The following MACROD2 variants were observed in gnomAD, a reference collection of about 807,000 sequenced individuals.
MACROD2 encodes the protein mono-ADP ribosylhydrolase 2.
Under a neutral mutation model 70.4 loss-of-function variants are expected in MACROD2, and 36 were observed. That is an observed-to-expected ratio of 0.51 (90% CI 0.39 to 0.68). The LOEUF (loss-of-function observed/expected upper bound fraction) is 0.68. Ranked by LOEUF, MACROD2 falls within the 30% of genes least tolerant of loss-of-function variation. MACROD2 has a pLI of 0.00. For missense variants in MACROD2, 496 were observed against 538.4 expected (o/e 0.92, Z 0.78); for synonymous variants, 172 against 178.8 (o/e 0.96, Z 0.30).
intron 3 of MACROD2, among the ~76,000 whole-genome samples, chr20:14,262,290 G>A (rs1445939950): frequency 1.3e-5 from 2 of 152,176 alleles, no homozygotes; most frequent in African/African-American, 4.8e-5. Context: ...TGTGGTAAAT[G>A]ACCTAATTGG....
At chr20:16,022,416 A>C (rs1169168621) in intron 15 of MACROD2, among the ~76,000 whole-genome samples, 1 of 152,216 alleles carries the variant, frequency 6.6e-6, no homozygotes, top group African/African-American at 2.4e-5. Flanking sequence ...TTGTGAATAC[A>C]TTAAACATGC....
At chr20:14,719,945 G>A (rs977370590) in intron 5 of MACROD2, among the ~76,000 whole-genome samples, 1 of 152,074 alleles carries the variant, frequency 6.6e-6, no homozygotes, top group African/African-American at 2.4e-5. Context: ...GGGATAGAAG[G>A]GTATTTGGGC....
rs148757880 is a variant in MACROD2 at position 15,854,285 on chromosome 20, A to T, written c.646-8460A>T. On this transcript the variant is annotated intron_variant, in intron 8 of 17. Coordinates refer to ENST00000684519, the MANE Select transcript of MACROD2 (RefSeq NM_001351661.2). ...TAGAGGCACACTCTTGCTGGCGTGG[A>T]AGAAAAAGAGCGCTCGTGTCCTGAA... Among the ~76,000 whole-genome samples, 61 of 152,260 alleles carry T rather than the reference A, an allele frequency of 4.0e-4. 1 individual carries two copies. In the East Asian group the frequency reaches 0.011, roughly 27 times the overall value.
At chr20:15,726,877 G>T (rs570192216) in intron 8 of MACROD2, among the ~76,000 whole-genome samples, 13 of 151,986 alleles carry the variant, frequency 8.6e-5, no homozygotes, top group Non-Finnish European at 1.5e-4. Flanking sequence ...GTTTCTGTAG[G>T]TTGTCTGCTT....
chr20:15,575,953 A>G (rs1035055371), intron 8 of MACROD2, among the ~76,000 whole-genome samples: 1 of 152,190 alleles, frequency 6.6e-6, no homozygotes, highest in Admixed American at 6.5e-5. Flanking sequence ...CATTTGCTCT[A>G]TCTTTACTTT....
In MACROD2 at chr20:15,885,786, G is replaced by T; in HGVS notation, c.750G>T (p.Glu250Asp). The T allele has an allele frequency of 1.3e-6, 2 of 1,493,580 alleles. No homozygotes were observed. Among genetic ancestry groups the T allele is most frequent in the Middle Eastern group, 1.8e-4 (1 of 5,632 alleles). 92.5% of individuals were successfully genotyped at this position (1,493,580 alleles called of 1,614,324 possible). Residue 250 changes from glutamate to aspartate, a missense_variant, in exon 10 of 18, where the codon GAG becomes GAT. By Grantham distance (45) the Glu-to-Asp change is conservative. Coordinates refer to ENST00000684519, the MANE Select transcript of MACROD2 (RefSeq NM_001351661.2). Reference protein sequence around the residue: ...FSVDDNNEEEEDVEMKEDSDE... With the variant: ...FSVDDNNEEEDDVEMKEDSDE... ...CAGACGATAATAATGAAGAAGAAGA[G>T]GATGTTGAAATGAAAGAAGATTCAG...
chr20:14,540,826 T>C (rs1290433799), intron 4 of MACROD2, among the ~76,000 whole-genome samples: 4 of 152,276 alleles, frequency 2.6e-5, no homozygotes, highest in African/African-American at 9.6e-5. Context: ...GTGCTCTACA[T>C]TAGGAGAGGC....
chr20:14,268,728 T>G (rs955018881), intron 3 of MACROD2, among the ~76,000 whole-genome samples: 10 of 152,234 alleles, frequency 6.6e-5, no homozygotes, highest in African/African-American at 2.4e-4. Context: ...CATCAAAATA[T>G]TAACTATTCA....
chr20:14,145,689 AAT>A (rs2054934564), intron 3 of MACROD2, among the ~76,000 whole-genome samples: 1 of 152,170 alleles, frequency 6.6e-6, no homozygotes, highest in Non-Finnish European at 1.5e-5. Context: ...ATATTTACAA[AAT>A]AGTTAACTAA....
intron 5 of MACROD2, among the ~76,000 whole-genome samples, chr20:15,129,829 TC>T (rs138344387): frequency 0.023 from 3,574 of 152,224 alleles, 140 homozygotes; most frequent in African/African-American, 0.082. Flanking sequence ...TGCCTCTGCC[TC>T]CTGGTTGCTT....
intron 8 of MACROD2, among the ~76,000 whole-genome samples, chr20:15,583,749 T>C (rs2048559050): frequency 6.6e-6 from 1 of 152,192 alleles, no homozygotes; most frequent in Non-Finnish European, 1.5e-5. Flanking sequence ...GTTCAAGTGA[T>C]TTTCCTGCCT....
At chr20:15,196,757 T>G in intron 5 of MACROD2, 1 of 409,068 alleles carries the variant, frequency 2.4e-6, no homozygotes, top group South Asian at 1.0e-4. Context: ...GTACAATATG[T>G]ACTTGAAATC....
At chr20:15,379,560 C>T (rs531079553) in intron 6 of MACROD2, among the ~76,000 whole-genome samples, 18 of 152,076 alleles carry the variant, frequency 1.2e-4, no homozygotes, top group Non-Finnish European at 1.8e-4. Flanking sequence ...GGATGGCTCA[C>T]GTTTCAAACC....
chr20:14,819,163 A>G (rs138655376), intron 5 of MACROD2, among the ~76,000 whole-genome samples: 102 of 151,786 alleles, frequency 6.7e-4, no homozygotes, highest in African/African-American at 2.1e-3. Flanking sequence ...CTACTTGGGA[A>G]GCTGAAGCAG....
chr20:14,433,251 C>T (rs992736066), intron 3 of MACROD2, among the ~76,000 whole-genome samples: 1 of 152,008 alleles, frequency 6.6e-6, no homozygotes, highest in East Asian at 1.9e-4. Flanking sequence ...GTGAAAGAGA[C>T]GTAAAACACA....
intron 3 of MACROD2, among the ~76,000 whole-genome samples, chr20:14,403,444 C>T (rs1375287189): frequency 6.6e-6 from 1 of 151,728 alleles, no homozygotes; most frequent in African/African-American, 2.4e-5. Context: ...TTTAAAAAGC[C>T]CAAAGTATAT....
chr20:15,271,012 C>A (rs1295869821), intron 6 of MACROD2, among the ~76,000 whole-genome samples: 1 of 152,164 alleles, frequency 6.6e-6, no homozygotes, highest in African/African-American at 2.4e-5. Context: ...ATTGTTTCTT[C>A]TTTTCAGTAA....
chr20:14,677,634 G>C (rs58514606), intron 4 of MACROD2, among the ~76,000 whole-genome samples: 3,919 of 152,250 alleles, frequency 0.026, 128 homozygotes, highest in African/African-American at 0.067. Context: ...CCTCAGTCCT[G>C]ACGAAGAGCA....
At chr20:14,105,966 A>G (rs1848176504) in intron 3 of MACROD2, among the ~76,000 whole-genome samples, 1 of 152,200 alleles carries the variant, frequency 6.6e-6, no homozygotes, top group East Asian at 1.9e-4. Context: ...AATAACCAAC[A>G]GTGATACCAG....
Sources: gnomAD v4.1 joint callset for allele counts (sites outside exome capture counted in the v4.1 genomes callset) on GRCh38, gnomAD v4.1.1 for gene constraint, MANE v1.5 for transcripts, NCBI Gene and HGNC (gene_info 2026-07-23, HGNC 2026-07-21) for gene names.